SEMA6D: variants seen among roughly 807,000 people sequenced by gnomAD.
SEMA6D encodes the protein semaphorin 6D.
A neutral mutation model predicts 106.6 loss-of-function variants in SEMA6D; 35 were observed. That is an observed-to-expected ratio of 0.33 (90% CI 0.25 to 0.44). The LOEUF (loss-of-function observed/expected upper bound fraction) is 0.44. SEMA6D is among the 20% of genes least tolerant of loss of function. SEMA6D has a pLI of 1.00. For missense variants in SEMA6D, 1,185 were observed against 1,345.9 expected, an observed-to-expected ratio of 0.88 and a Z score of 1.87; for synonymous variants, 499 against 487.7, an observed-to-expected ratio of 1.02 and a Z score of -0.31.
chr15:47,331,011 T>C lies in SEMA6D; in HGVS notation c.-238-81382T>C, dbSNP rs189860950. On this transcript the variant is annotated intron_variant, in intron 1 of 19. Coordinates refer to the SEMA6D transcript ENST00000558014. ...GTTTGTGTTGCCCTATTTCAGTCTT[T>C]AGCTGTGACAAAAGCATCAAGGTCA... 4.6e-5 allele frequency among the ~76,000 whole-genome samples: 7 copies of C among 152,330 alleles called. No individual in the cohort carries two copies. The East Asian group carries it at 9.6e-4, about 21-fold the overall frequency.
chr15:47,673,153 C>G (rs2145429775), intron 4 of SEMA6D, among the ~76,000 whole-genome samples: 1 of 152,116 alleles, frequency 6.6e-6, no homozygotes, highest in East Asian at 1.9e-4. Flanking sequence ...GAGCCACGTC[C>G]CTACAATTAC....
intron 1 of SEMA6D, among the ~76,000 whole-genome samples, chr15:47,326,618 C>T (rs1195025676): frequency 1.3e-5 from 2 of 151,958 alleles, no homozygotes; most frequent in African/African-American, 2.4e-5. Flanking sequence ...TTGAAAATAG[C>T]TCTGATGGGG....
At chr15:47,250,049 C>A (rs889105590) in intron 1 of SEMA6D, among the ~76,000 whole-genome samples, 15 of 152,178 alleles carry the variant, frequency 9.9e-5, no homozygotes. Flanking sequence ...GTGACCAGGT[C>A]ATGGATCCTG....
rs914984557 is a variant in SEMA6D, at chr15:47,217,872, CAT to C, written c.-239+33456_-239+33457del. Among the ~76,000 whole-genome samples, 4 of 89,472 alleles carry C rather than the reference CAT, an allele frequency of 4.5e-5. No homozygotes were observed. In the Admixed American group the frequency reaches 5.9e-4, roughly 13 times the overall value. The allele number at this position is 89,472 out of a possible 152,430, so 58.7% of individuals were successfully genotyped here. On this transcript the variant is annotated intron_variant, in intron 1 of 19. Coordinates refer to the SEMA6D transcript ENST00000558014. ...CCTGCTTCCTGCTTGCATGTACACA[CAT>C]ACACACACACACACACACACACACA...
In SEMA6D at chr15:47,763,889, A is replaced by G. The variant is rs749121565; in HGVS notation, c.787A>G (p.Met263Val). Residue 263 changes from methionine (M) to valine (V), a missense_variant, in exon 10 of 19, where the codon ATG becomes GTG. Coordinates refer to ENST00000536845, the MANE Select transcript of SEMA6D (RefSeq NM_001358351.3). The stretch of plus-strand genomic sequence containing the variant: ...CGTGGCCCGCATATGTAAAAACGAC[A>G]TGGGTGGTTCCCAGCGGGTCCTGGA... ...SRVARICKND[M>V]GGSQRVLEKH... is the part of the protein sequence containing the mutation. 1.2e-6 allele frequency: 2 copies of G among 1,613,740 alleles called. No individual in the cohort carries two copies. The highest frequency in any genetic ancestry group is 1.7e-6 in the Non-Finnish European group (2 of 1,179,872).
Position 47,653,386 on chromosome 15 carries a change from G to A in SEMA6D, c.-55+52490G>A, listed in dbSNP as rs375642003. Among the ~76,000 whole-genome samples the A allele has an allele frequency of 2.6e-5, 4 of 152,312 alleles. No individual in the cohort carries two copies. In the South Asian group the frequency reaches 6.2e-4, roughly 24 times the overall value. On this transcript the variant is annotated intron_variant, in intron 4 of 19. Coordinates refer to the SEMA6D transcript ENST00000558014. ...AAAATCACAAAAAGCAGAGAAAATCGACTGCTGGTGCTCATTCCCTAATAC... is the reference window on the plus strand; with the variant it reads ...AAAATCACAAAAAGCAGAGAAAATCAACTGCTGGTGCTCATTCCCTAATAC...
chr15:47,482,235 G>T (rs774826412), intron 3 of SEMA6D, among the ~76,000 whole-genome samples: 2 of 152,132 alleles, frequency 1.3e-5, no homozygotes, highest in South Asian at 2.1e-4. Flanking sequence ...AAATATTTTT[G>T]AGGAAGATTT....
At chr15:47,406,867 A>G (rs2040588344) in intron 1 of SEMA6D, among the ~76,000 whole-genome samples, 1 of 152,004 alleles carries the variant, frequency 6.6e-6, no homozygotes, top group Non-Finnish European at 1.5e-5. Context: ...TTCACAATGT[A>G]TGTCCATGCC....
chr15:47,628,295 A>C (rs2077236955), intron 4 of SEMA6D, among the ~76,000 whole-genome samples: 1 of 150,094 alleles, frequency 6.7e-6, no homozygotes, highest in African/African-American at 2.4e-5. Context: ...GCAGGGTTAT[A>C]TGTGAGTTGT....
At chr15:47,661,088 C>A (rs1030572802) in intron 4 of SEMA6D, among the ~76,000 whole-genome samples, 5 of 152,216 alleles carry the variant, frequency 3.3e-5, no homozygotes, top group African/African-American at 1.2e-4. Context: ...ACTTTAGATA[C>A]CACCTTGTTT....
intron 4 of SEMA6D, chr15:47,605,418 CACACCAACCAACTCGG>C (rs1376083159): frequency 6.6e-6 from 1 of 152,220 alleles, no homozygotes; most frequent in Non-Finnish European, 1.5e-5. Flanking sequence ...GGCTTTTACT[CACACCAACCAACTCGG>C]ACACCAACTG....
At chr15:47,392,953 C>G (rs146745280) in intron 1 of SEMA6D, among the ~76,000 whole-genome samples, 1 of 152,284 alleles carries the variant, frequency 6.6e-6, no homozygotes, top group Non-Finnish European at 1.5e-5. Flanking sequence ...TAGTCCTGTT[C>G]GGGCACCTGC....
chr15:47,348,798 G>A (rs2038193039), intron 1 of SEMA6D, among the ~76,000 whole-genome samples: 1 of 147,388 alleles, frequency 6.8e-6, no homozygotes, highest in Non-Finnish European at 1.5e-5. Flanking sequence ...CAGATCAACA[G>A]TGATGAATTC....
In SEMA6D at chr15:47,725,025, T is replaced by A. The variant is rs564048607; in HGVS notation, c.-55+7333T>A. On this transcript the variant is annotated intron_variant, in intron 1 of 18. Transcript: ENST00000536845. ...GTCTGTGGCTTCACTGGCTTCATCT[T>A]TTTTCTTAAACTTGAAAAGGCTTTA... Among the ~76,000 whole-genome samples the A allele has an allele frequency of 1.5e-3, 234 of 152,344 alleles. 2 individuals carry two copies. The highest frequency in any genetic ancestry group is 5.4e-3 in the African/African-American group (225 of 41,584).
intron 1 of SEMA6D, among the ~76,000 whole-genome samples, chr15:47,372,368 C>T (rs1000691707): frequency 3.3e-5 from 5 of 152,184 alleles, no homozygotes; most frequent in African/African-American, 1.2e-4. Context: ...CTTAAAATTT[C>T]ACATACTCAA....
chr15:47,454,237 T>C (rs2042275152), intron 2 of SEMA6D, among the ~76,000 whole-genome samples: 1 of 151,996 alleles, frequency 6.6e-6, no homozygotes, highest in Non-Finnish European at 1.5e-5. Context: ...ATTTATGGTT[T>C]AGTTTTAATA....
chr15:47,553,725 C>A (rs1226478002), intron 3 of SEMA6D, among the ~76,000 whole-genome samples: 1 of 151,672 alleles, frequency 6.6e-6, no homozygotes, highest in Non-Finnish European at 1.5e-5. Context: ...CAGGGCATTT[C>A]AGTGTTGTTT....
intron 1 of SEMA6D, among the ~76,000 whole-genome samples, chr15:47,745,049 A>G (rs1016974073): frequency 1.2e-4 from 18 of 152,144 alleles, no homozygotes; most frequent in African/African-American, 3.9e-4. Flanking sequence ...TATTATCTCC[A>G]GGTGTGTTTA....
chr15:47,538,614 T>G (rs2045252380), intron 3 of SEMA6D, among the ~76,000 whole-genome samples: 1 of 152,224 alleles, frequency 6.6e-6, no homozygotes, highest in Non-Finnish European at 1.5e-5. Context: ...ATAACCACAG[T>G]GGCTATTGAT....
Sources: gnomAD v4.1 joint callset for allele counts (sites outside exome capture counted in the v4.1 genomes callset) on GRCh38, gnomAD v4.1.1 for gene constraint, MANE v1.5 for transcripts, NCBI Gene and HGNC (gene_info 2026-07-23, HGNC 2026-07-21) for gene names.